The following KIF3C variants were observed in gnomAD, a reference collection of about 807,000 sequenced individuals.
The protein encoded by KIF3C is kinesin family member 3C, also known as kinesin-like protein KIF3C.
In KIF3C, 12 loss-of-function variants were observed where a neutral mutation model predicts 67.7. The observed-to-expected ratio is 0.18, with a 90% CI of 0.11 to 0.29. The LOEUF is 0.29. Among genes scored for constraint, KIF3C ranks in the 10% least tolerant of loss-of-function variants. KIF3C has a pLI of 1.00. For missense variants in KIF3C, 789 were observed against 1,059.6 expected (o/e 0.74, Z 3.55); for synonymous variants, 393 against 426.2 (o/e 0.92, Z 0.96).
At chr2:25,946,642 C>T (rs1045151902) in intron 5 of KIF3C, among the ~76,000 whole-genome samples, 8 of 152,168 alleles carry the variant, frequency 5.3e-5, no homozygotes, top group Middle Eastern at 3.4e-3. Context: ...GAGCCAAGAT[C>T]GCGCCACTGC....
chr2:25,967,825 C>CA (rs779307370), intron 1 of KIF3C, among the ~76,000 whole-genome samples: 3 of 151,816 alleles, frequency 2.0e-5, no homozygotes, highest in Non-Finnish European at 2.9e-5. Context: ...GACCCTGTCT[C>CA]AAAAAACAAA....
At chr2:25,972,411 C>T (rs1012038175) in intron 1 of KIF3C, among the ~76,000 whole-genome samples, 4 of 152,122 alleles carry the variant, frequency 2.6e-5, no homozygotes, top group Non-Finnish European at 4.4e-5. Context: ...GCCCCCAGGA[C>T]GCAACGATTC....
chr2:25,935,101 G>A (rs536148257), intron 5 of KIF3C, among the ~76,000 whole-genome samples: 3 of 152,044 alleles, frequency 2.0e-5, no homozygotes, highest in South Asian at 2.1e-4. Flanking sequence ...AAAATTAGCC[G>A]GGCATGGTGG....
At chr2:25,949,372 G>A (rs552169486) in intron 5 of KIF3C, among the ~76,000 whole-genome samples, 3 of 151,878 alleles carry the variant, frequency 2.0e-5, no homozygotes, top group East Asian at 3.9e-4. Context: ...CCAGGAGCTC[G>A]AGATCAGCCT....
At chr2:25,956,484 G>A (rs758107782) in intron 1 of KIF3C, 40 bp from the exon 2 acceptor site, 48 of 1,477,638 alleles carry the variant, frequency 3.2e-5, no homozygotes, top group Non-Finnish European at 4.2e-5. Flanking sequence ...CTTTGCAAAG[G>A]GTCCACAACA....
chr2:25,962,006 C>G (rs1027740832), intron 1 of KIF3C, among the ~76,000 whole-genome samples: 2 of 151,400 alleles, frequency 1.3e-5, no homozygotes, highest in Admixed American at 6.6e-5. Flanking sequence ...GAGGATAAGT[C>G]TGGAAATGAA....
chr2:25,936,815 A>G (rs1219606173), intron 5 of KIF3C, among the ~76,000 whole-genome samples: 1 of 152,212 alleles, frequency 6.6e-6, no homozygotes, highest in East Asian at 1.9e-4. Flanking sequence ...GTGATGGATT[A>G]TTAAAATACT....
intron 1 of KIF3C, among the ~76,000 whole-genome samples, chr2:25,964,136 C>T (rs1386580057): frequency 6.6e-6 from 1 of 152,062 alleles, no homozygotes; most frequent in Non-Finnish European, 1.5e-5. Flanking sequence ...GGCAAAATCT[C>T]ATCTCTACTA....
At position 25,955,703 on chromosome 2, in the gene KIF3C, C is replaced by T. The variant is rs1272304096; in HGVS notation, c.1648-40G>A. 1 of 1,609,170 alleles carries T rather than the reference C, an allele frequency of 6.2e-7. No homozygotes were observed. ...GGCAGTGTGGCTCAAAGGAGCAGTGCATACTCGGGAGGGCCAGGAAAGCTC... is the reference window on the plus strand; with the variant it reads ...GGCAGTGTGGCTCAAAGGAGCAGTGTATACTCGGGAGGGCCAGGAAAGCTC... On this transcript the variant is annotated intron_variant, in intron 2 of 7. Transcript: ENST00000264712. This position sits in a 1 kb window ranked among gnomAD's most constrained non-coding sequence, Gnocchi z 5.0.
intron 5 of KIF3C, among the ~76,000 whole-genome samples, chr2:25,946,330 G>A (rs555698806): frequency 6.8e-4 from 103 of 151,568 alleles, no homozygotes; most frequent in Non-Finnish European, 9.7e-4. Context: ...CAAGGTGGGC[G>A]GATCACTTGA....
At position 25,980,458 on chromosome 2, in the gene KIF3C, T is replaced by C. The variant is rs768971785; in HGVS notation, c.1460A>G (p.Gln487Arg). The C allele has an allele frequency of 1.2e-6, 2 of 1,614,160 alleles. No individual in the cohort carries two copies. The highest frequency in any genetic ancestry group is 3.3e-5 in the Admixed American group (2 of 60,024). The change falls in exon 1 of 8, where the codon CAG (glutamine) becomes CGG (arginine). Residue 487 changes from glutamine to arginine, a missense_variant. This residue lies in a region of KIF3C where 648 missense variants were observed against 807.8 expected (regional missense o/e 0.80). Transcript: ENST00000264712. This position sits in a 1 kb window ranked among gnomAD's most constrained non-coding sequence, Gnocchi z 7.6. Reference protein sequence around the residue: ...DDRSLVSEEKQKLLEEKEKML... With the variant: ...DDRSLVSEEKRKLLEEKEKML... ...CTTCTCCTTCTCCTCCAGCAGCTTC[T>C]GCTTCTCCTCGCTCACCAGGCTGCG...
Position 25,929,469 on chromosome 2 carries a change from G to A in KIF3C, c.2124C>T (p.Asn708=). The A allele has an allele frequency of 6.2e-7, 1 of 1,613,922 alleles. No individual in the cohort carries two copies. Among genetic ancestry groups the A allele is most frequent in the Non-Finnish European group, 8.5e-7 (1 of 1,179,872 alleles). ...MGSHPRYRAE[N]IMFLELDVSP... ...ACACATCCAACTCCAGAAACATTAT[G>A]TTTTCAGCCTGTGGTGGGAATATCA... is the stretch of plus-strand genomic sequence containing the variant. The change falls in exon 7 of 8, where the codon AAC becomes AAT. Residue 708 remains asparagine, a synonymous_variant. Coordinates refer to ENST00000264712, the MANE Select transcript of KIF3C (RefSeq NM_002254.8).
Position 25,928,958 on chromosome 2 carries a change from G to A in KIF3C, c.*20C>T, listed in dbSNP as rs368527933. ...CCCATCCCAGGAGTCTATTGGATGG[G>A]CAGCCTGACGTGATGGTTGTCACTC... On this transcript the variant is annotated 3_prime_UTR_variant, in exon 8 of 8. Coordinates refer to ENST00000264712, the MANE Select transcript of KIF3C (RefSeq NM_002254.8). The A allele has an allele frequency of 2.8e-4, 457 of 1,606,154 alleles. 4 individuals are homozygous for A. The South Asian group carries it at 4.6e-3, about 16-fold the overall frequency.
intron 4 of KIF3C, among the ~76,000 whole-genome samples, chr2:25,952,468 T>C (rs1377663542): frequency 6.6e-6 from 1 of 151,876 alleles, no homozygotes; most frequent in Non-Finnish European, 1.5e-5. Flanking sequence ...AATGAATAAA[T>C]ACTTTTATTT....
chr2:25,950,322 A>G (rs1663567314), intron 5 of KIF3C, among the ~76,000 whole-genome samples: 1 of 150,798 alleles, frequency 6.6e-6, no homozygotes, highest in Non-Finnish European at 1.5e-5. Flanking sequence ...AGTTCAAGAG[A>G]TTCTCCTGCC....
chr2:25,935,443 T>G (rs1477902999), intron 5 of KIF3C, among the ~76,000 whole-genome samples: 1 of 152,072 alleles, frequency 6.6e-6, no homozygotes, highest in Non-Finnish European at 1.5e-5. Context: ...CATAGCTCAC[T>G]GCAGCCTCAA....
intron 1 of KIF3C, among the ~76,000 whole-genome samples, chr2:25,960,154 C>G (rs1251819290): frequency 1.3e-5 from 2 of 151,896 alleles, no homozygotes. Context: ...CTGTGGTCCC[C>G]ATTGTTTGGG....
intron 1 of KIF3C, among the ~76,000 whole-genome samples, chr2:25,963,934 G>A (rs943124602): frequency 3.3e-5 from 5 of 151,748 alleles, no homozygotes; most frequent in South Asian, 2.1e-4. Context: ...CTTGTGATCC[G>A]CCCACCTCAG....
chr2:25,967,806 A>C (rs1016503563), intron 1 of KIF3C, among the ~76,000 whole-genome samples: 1 of 152,204 alleles, frequency 6.6e-6, no homozygotes, highest in Admixed American at 6.5e-5. Context: ...TGCCTAGGTG[A>C]CAGAGTGAGA....
Sources: gnomAD v4.1 joint callset for allele counts (sites outside exome capture counted in the v4.1 genomes callset) on GRCh38, gnomAD v4.1.1 for gene constraint, gnomAD v4.1.1 regional missense constraint, Gnocchi (gnomAD v3.1) non-coding constraint, MANE v1.5 for transcripts, NCBI Gene and HGNC (gene_info 2026-07-23, HGNC 2026-07-21) for gene names.